ZNF729: variants seen among roughly 807,000 people sequenced by gnomAD.
ZNF729 encodes the protein zinc finger protein 729.
A neutral mutation model predicts 12.2 loss-of-function variants in ZNF729; 15 were observed. The observed-to-expected ratio is 1.23, with a 90% CI of 0.82 to 1.89. ZNF729 has a LOEUF of 1.89. ZNF729 is among the 40% of genes most tolerant of loss of function. The pLI is 0.00. For missense variants in ZNF729, 1,540 were observed against 1,456.7 expected (o/e 1.06, Z -0.93); for synonymous variants, 492 against 476.3 (o/e 1.03, Z -0.43).
chr19:22,304,586 T>G, intron 2 of ZNF729, 102 bp from the exon 3 acceptor site: 1 of 1,016,218 alleles, frequency 9.8e-7, no homozygotes, highest in Non-Finnish European at 1.4e-6. Context: ...AAATTAGTAT[T>G]GGGGGATCAA....
intron 1 of ZNF729, among the ~76,000 whole-genome samples, chr19:22,289,891 A>T (rs1968130971): frequency 1.3e-5 from 2 of 152,196 alleles, no homozygotes; most frequent in South Asian, 2.1e-4. Context: ...TGTTTACTAC[A>T]TGATTTTTAA....
intron 3 of ZNF729, among the ~76,000 whole-genome samples, chr19:22,305,469 C>T (rs943358393): frequency 6.6e-6 from 1 of 152,010 alleles, no homozygotes; most frequent in African/African-American, 2.4e-5. Flanking sequence ...TTTCTTGCTT[C>T]ACCTTTGTCA....
rs201729943 is a variant in ZNF729 at position 22,306,361 on chromosome 19, C to A, written c.253+1578C>A. ...GGCTGAGGCAGGAGAATCAGTTGAA[C>A]CCGGAGGTGCAGGTTGTGGTGAGCT... On this transcript the variant is annotated intron_variant, in intron 3 of 3. Coordinates refer to ENST00000601693, the MANE Select transcript of ZNF729 (RefSeq NM_001242680.2). Among the ~76,000 whole-genome samples the A allele has an allele frequency of 9.9e-5, 15 of 151,684 alleles. No homozygotes were observed. In the East Asian group the frequency reaches 2.5e-3, roughly 26 times the overall value.
intron 1 of ZNF729, among the ~76,000 whole-genome samples, chr19:22,288,961 C>T (rs189721700): frequency 1.3e-5 from 2 of 152,184 alleles, no homozygotes; most frequent in African/African-American, 4.8e-5. Context: ...AATTCAGAGT[C>T]TCCTGAGAAG....
At position 22,314,683 on chromosome 19, in the gene ZNF729, T is replaced by C. The variant is rs757746509; in HGVS notation, c.1266T>C (p.His422=). ...GCCAGTTCTCAACCCTTAAAAAACA[T>C]AAGATAATTCATACTGGAAAGAAAC... ...AFSQFSTLKK[H]KIIHTGKKPY... is the part of the protein sequence containing the mutation. Residue 422 remains histidine, a synonymous_variant, in exon 4 of 4, where the codon CAT becomes CAC. Coordinates refer to ENST00000601693, the MANE Select transcript of ZNF729 (RefSeq NM_001242680.2). 2.0e-5 allele frequency: 33 copies of C among 1,612,784 alleles called. No homozygotes were observed. Among genetic ancestry groups the C allele is most frequent in the Non-Finnish European group, 2.7e-5 (32 of 1,179,804 alleles).
intron 3 of ZNF729, among the ~76,000 whole-genome samples, chr19:22,313,405 T>C (rs1318665964): frequency 6.6e-6 from 1 of 152,222 alleles, no homozygotes; most frequent in Non-Finnish European, 1.5e-5. Context: ...AAGAGCTGCA[T>C]TGGGAAACTG....
intron 1 of ZNF729, among the ~76,000 whole-genome samples, chr19:22,301,293 G>C (rs1968300857): frequency 6.6e-6 from 1 of 152,172 alleles, no homozygotes; most frequent in Non-Finnish European, 1.5e-5. Context: ...TATGTTGCGG[G>C]CAACTTGAAT....
Position 22,314,797 on chromosome 19 carries a change from C to T in ZNF729, c.1380C>T (p.Tyr460=). ...HKIIHTGEKP[Y]KCEECGKAFR... ...TAATTCATACTGGGGAGAAACCATA[C>T]AAATGTGAAGAATGTGGCAAAGCTT... Residue 460 remains tyrosine, a synonymous_variant, in exon 4 of 4, where the codon TAC becomes TAT. Transcript: ENST00000601693. The T allele has an allele frequency of 3.7e-6, 6 of 1,613,730 alleles. No homozygotes were observed. Among genetic ancestry groups the T allele is most frequent in the Non-Finnish European group, 5.1e-6 (6 of 1,179,880 alleles).
chr19:22,304,000 T>G, intron 2 of ZNF729, 116 bp downstream of exon 2: 1 of 1,133,798 alleles, frequency 8.8e-7, no homozygotes, highest in Non-Finnish European at 1.2e-6. Context: ...ACATCCCTGT[T>G]TTCTGGAAAC....
chr19:22,307,809 T>G (rs1158997440), intron 3 of ZNF729, among the ~76,000 whole-genome samples: 2,074 of 146,658 alleles, frequency 0.014, 112 homozygotes, highest in African/African-American at 0.05. Context: ...TGTTTTTTTT[T>G]TTTTTTTTTT....
intron 1 of ZNF729, among the ~76,000 whole-genome samples, chr19:22,297,149 A>T (rs1280443581): frequency 1.3e-5 from 2 of 152,188 alleles, no homozygotes; most frequent in Non-Finnish European, 2.9e-5. Context: ...TTTCTGCCTC[A>T]ATAATCTGTC....
At chr19:22,294,067 T>C (rs1400294428) in intron 1 of ZNF729, among the ~76,000 whole-genome samples, 3 of 152,090 alleles carry the variant, frequency 2.0e-5, no homozygotes, top group Non-Finnish European at 4.4e-5. Context: ...AATGGTATTT[T>C]CTAGGTTATC....
chr19:22,312,249 T>G (rs1302295397), intron 3 of ZNF729, among the ~76,000 whole-genome samples: 1 of 152,202 alleles, frequency 6.6e-6, no homozygotes, highest in Admixed American at 6.5e-5. Context: ...TTTATACTTT[T>G]TTTGATTGGG....
At chr19:22,293,401 GTCTCAAACTCC>G (rs1968181159) in intron 1 of ZNF729, among the ~76,000 whole-genome samples, 1 of 151,044 alleles carries the variant, frequency 6.6e-6, no homozygotes, top group African/African-American at 2.4e-5. Flanking sequence ...GGCCAGGCTG[GTCTCAAACTCC>G]TGACCTCAAG....
intron 1 of ZNF729, among the ~76,000 whole-genome samples, chr19:22,302,618 T>A (rs555249403): frequency 1.3e-3 from 13 of 9,646 alleles, no homozygotes; most frequent in African/African-American, 6.0e-3. Flanking sequence ...GGGATTTAAG[T>A]GCATCTTAGG....
chr19:22,298,016 A>C (rs1273973136), intron 1 of ZNF729, among the ~76,000 whole-genome samples: 1 of 150,472 alleles, frequency 6.6e-6, no homozygotes, highest in African/African-American at 2.4e-5. Context: ...AAAAAAAAAA[A>C]AAAAAAAAAA....
chr19:22,308,020 C>T lies in ZNF729; in HGVS notation c.253+3237C>T, dbSNP rs570079499. The stretch of plus-strand genomic sequence containing the variant: ...AGTCTTTTATCCCTCGTTTCCCTCC[C>T]GCTCTTCCCCTCAAGTCCCCAAAGT... On this transcript the variant is annotated intron_variant, in intron 3 of 3. Transcript: ENST00000601693. Among the ~76,000 whole-genome samples, 17 of 152,016 alleles carry T rather than the reference C, an allele frequency of 1.1e-4. No homozygotes were observed. In the East Asian group the frequency reaches 1.2e-3, roughly 10 times the overall value.
chr19:22,289,517 G>A (rs1368693281), intron 1 of ZNF729, among the ~76,000 whole-genome samples: 2 of 152,088 alleles, frequency 1.3e-5, no homozygotes, highest in African/African-American at 4.8e-5. Flanking sequence ...GAGCCACTGC[G>A]CCCGGCAAAA....
At chr19:22,302,471 T>C (rs934685010) in intron 1 of ZNF729, among the ~76,000 whole-genome samples, 1 of 91,114 alleles carries the variant, frequency 1.1e-5, no homozygotes, top group Non-Finnish European at 2.4e-5. Context: ...TTTCTATTTA[T>C]TTTACCTTGG....
Sources: allele counts gnomAD v4.1 joint callset (sites outside exome capture counted in the v4.1 genomes callset), GRCh38; gene constraint gnomAD v4.1.1; transcripts MANE v1.5; gene names NCBI Gene and HGNC (gene_info 2026-07-23, HGNC 2026-07-21).